Variants in SPOCK3 observed in about 807,000 individuals in gnomAD.
SPOCK3 encodes the protein SPARC (osteonectin), cwcv and kazal like domains proteoglycan 3.
In SPOCK3, 30 loss-of-function variants were observed where a neutral mutation model predicts 56.6. The observed-to-expected ratio is 0.53, with a 90% CI of 0.40 to 0.72. The LOEUF is 0.72. Among genes scored for constraint, SPOCK3 ranks in the 30% least tolerant of loss-of-function variants. The probability of loss-of-function intolerance (pLI) is 0.00; values close to 1 mark genes in which losing one functional copy is unlikely to be tolerated. For synonymous variants in SPOCK3, 196 were observed against 183.3 expected (o/e 1.07, Z -0.56); for missense variants, 527 against 530.0 (o/e 0.99, Z 0.06).
chr4:167,024,685 T>C (rs1023268044), intron 3 of SPOCK3, among the ~76,000 whole-genome samples: 8 of 151,908 alleles, frequency 5.3e-5, no homozygotes, highest in African/African-American at 1.5e-4. Context: ...CAATAGACTT[T>C]GGGGACTTGG....
intron 6 of SPOCK3, among the ~76,000 whole-genome samples, chr4:166,867,620 AT>A (rs1330356776): frequency 1.4e-5 from 2 of 145,990 alleles, no homozygotes; most frequent in Non-Finnish European, 3.1e-5. Context: ...ATAAGTAAAA[AT>A]AATTAATTAC....
intron 2 of SPOCK3, among the ~76,000 whole-genome samples, chr4:167,223,542 T>C (rs1736281191): frequency 6.6e-6 from 1 of 151,940 alleles, no homozygotes; most frequent in Admixed American, 6.6e-5. Context: ...AAAATTCTAC[T>C]ACTGGAGAGA....
chr4:166,904,463 G>C (rs1736400139), intron 5 of SPOCK3, among the ~76,000 whole-genome samples: 1 of 151,982 alleles, frequency 6.6e-6, no homozygotes, highest in South Asian at 2.1e-4. Context: ...TCTTCCAAAG[G>C]TACTGTACAT....
intron 6 of SPOCK3, among the ~76,000 whole-genome samples, chr4:166,886,316 A>T (rs1214320175): frequency 6.6e-6 from 1 of 152,164 alleles, no homozygotes; most frequent in Non-Finnish European, 1.5e-5. Flanking sequence ...AAAGGAGGGA[A>T]TCCATTAAAG....
At chr4:166,860,989 G>A (rs1170336211) in intron 6 of SPOCK3, among the ~76,000 whole-genome samples, 2 of 151,494 alleles carry the variant, frequency 1.3e-5, no homozygotes, top group Admixed American at 6.6e-5. Flanking sequence ...TTAATGGGAA[G>A]AGCCTTAACT....
intron 2 of SPOCK3, among the ~76,000 whole-genome samples, chr4:167,085,943 A>T (rs1053855119): frequency 1.1e-4 from 16 of 152,066 alleles, no homozygotes; most frequent in African/African-American, 3.9e-4. Context: ...TGTTGGGATA[A>T]ACTACCCAGA....
intron 6 of SPOCK3, among the ~76,000 whole-genome samples, chr4:166,853,395 T>C (rs1415070512): frequency 6.6e-6 from 1 of 152,236 alleles, no homozygotes; most frequent in East Asian, 1.9e-4. Context: ...AAATTTTTCC[T>C]ACATGCTGAT....
At chr4:167,205,628 T>TTGTATAATATATATAAAATA (rs1734245060) in intron 2 of SPOCK3, among the ~76,000 whole-genome samples, 1 of 125,172 alleles carries the variant, frequency 8.0e-6, no homozygotes, top group Non-Finnish European at 1.6e-5. Context: ...TATATATATT[T>TTGTATAATATATATAAAATA]TCCTGAGACG....
intron 4 of SPOCK3, among the ~76,000 whole-genome samples, chr4:166,999,496 A>G (rs1474212786): frequency 6.6e-6 from 1 of 152,200 alleles, no homozygotes; most frequent in East Asian, 1.9e-4. Context: ...CAAGTACACT[A>G]AAGCCAAAAA....
intron 3 of SPOCK3, among the ~76,000 whole-genome samples, chr4:167,050,851 C>T (rs565061899): frequency 1.1e-4 from 16 of 151,928 alleles, no homozygotes; most frequent in Non-Finnish European, 1.9e-4. Flanking sequence ...AAGTCAAATT[C>T]AAAGAAACAG....
chr4:166,738,458 GT>G (rs1349281735), intron 9 of SPOCK3, among the ~76,000 whole-genome samples: 38 of 149,202 alleles, frequency 2.5e-4, no homozygotes, highest in African/African-American at 2.9e-4. Context: ...TTACTCTATG[GT>G]TTTTTTTTCT....
chr4:167,234,270 G>T, intron 1 of SPOCK3, 97 bp from the exon 2 acceptor site: 1 of 1,204,930 alleles, frequency 8.3e-7, no homozygotes, highest in South Asian at 1.3e-5. Flanking sequence ...CATTAGCAAC[G>T]ACGAGGGTAG....
chr4:166,939,832 A>G (rs77083845), intron 4 of SPOCK3, among the ~76,000 whole-genome samples: 1 of 152,210 alleles, frequency 6.6e-6, no homozygotes, highest in South Asian at 2.1e-4. Flanking sequence ...TATTTCCAAC[A>G]AAATTGGTAA....
chr4:167,120,564 T>A (rs2150363231), intron 2 of SPOCK3, among the ~76,000 whole-genome samples: 1 of 152,176 alleles, frequency 6.6e-6, no homozygotes, highest in Admixed American at 6.5e-5. Flanking sequence ...GTGTTTGTAC[T>A]TAGTATTATA....
At chr4:167,189,704 C>G (rs1732312880) in intron 2 of SPOCK3, among the ~76,000 whole-genome samples, 1 of 145,450 alleles carries the variant, frequency 6.9e-6, no homozygotes. Context: ...TACAGTCACA[C>G]TCACACACTG....
At chr4:166,809,458 T>C (rs555570725) in intron 6 of SPOCK3, among the ~76,000 whole-genome samples, 1 of 152,186 alleles carries the variant, frequency 6.6e-6, no homozygotes, top group East Asian at 1.9e-4. Flanking sequence ...CTATGGCTAA[T>C]GAATAAATGA....
chr4:167,006,402 T>C (rs913424816), intron 3 of SPOCK3, among the ~76,000 whole-genome samples: 4 of 152,120 alleles, frequency 2.6e-5, no homozygotes, highest in Non-Finnish European at 4.4e-5. Flanking sequence ...TTAAAACTTT[T>C]GCTGAAATAA....
intron 2 of SPOCK3, among the ~76,000 whole-genome samples, chr4:167,092,069 T>C (rs996662066): frequency 1.3e-5 from 2 of 152,140 alleles, no homozygotes; most frequent in African/African-American, 2.4e-5. Context: ...GGTGGGTGAT[T>C]TCTGCATTTC....
intron 3 of SPOCK3, among the ~76,000 whole-genome samples, chr4:167,012,364 C>T (rs1401371269): frequency 1.3e-5 from 2 of 151,868 alleles, no homozygotes; most frequent in Non-Finnish European, 2.9e-5. Context: ...TATATTTTAT[C>T]ATCAAAATTT....
Sources: gnomAD v4.1 joint callset for allele counts (sites outside exome capture counted in the v4.1 genomes callset) on GRCh38, gnomAD v4.1.1 for gene constraint, MANE v1.5 for transcripts, NCBI Gene and HGNC (gene_info 2026-07-23, HGNC 2026-07-21) for gene names.